ATR: variants seen among roughly 807,000 people sequenced by gnomAD.
ATR encodes the protein ATR checkpoint kinase, also known as serine/threonine-protein kinase ATR.
ATR carries 142 observed loss-of-function variants against 305.3 expected under a neutral mutation model. The ratio of observed to expected loss-of-function variants is 0.47; its 90% CI spans 0.41 to 0.53. The LOEUF is 0.53. Among genes scored for constraint, ATR ranks in the 20% least tolerant of loss-of-function variants. ATR has a pLI of 0.00. For synonymous variants in ATR, 1,050 were observed against 1,068.1 expected, an observed-to-expected ratio of 0.98 and a Z score of 0.33; for missense variants, 2,135 against 3,133.1, an observed-to-expected ratio of 0.68 and a Z score of 7.60.
chr3:142,513,888 CA>C (rs893508545), intron 25 of ATR, among the ~76,000 whole-genome samples: 121 of 149,556 alleles, frequency 8.1e-4, no homozygotes, highest in Admixed American at 1.3e-3. Context: ...AGCCAAAAAA[CA>C]AAAAAAAACC....
At position 142,553,666 on chromosome 3, in the gene ATR, C is replaced by G. The variant is rs2034560272; in HGVS notation, c.2607G>C (p.Leu869Phe). The G allele has an allele frequency of 6.2e-7, 1 of 1,610,918 alleles. No individual in the cohort carries two copies. Among genetic ancestry groups the G allele is most frequent in the African/African-American group, 1.3e-5 (1 of 74,842 alleles). ...TTCCAATATCCCCTGTTGTAAGAATCAAGGTATCCTTCAGCTCATTATTTC... is the reference window on the plus strand; with the variant it reads ...TTCCAATATCCCCTGTTGTAAGAATGAAGGTATCCTTCAGCTCATTATTTC... ...ISRNNELKDT[L>F]ILTTGDIGRA... Residue 869 changes from leucine (L) to phenylalanine (F), a missense_variant, in exon 12 of 47, where the codon TTG becomes TTC. Coordinates refer to ENST00000350721, the MANE Select transcript of ATR (RefSeq NM_001184.4).
intron 3 of ATR, 41 bp downstream of exon 3, chr3:142,566,080 T>C (rs745981419): frequency 1.9e-6 from 3 of 1,612,806 alleles, no homozygotes; most frequent in African/African-American, 2.7e-5. Flanking sequence ...GAGGATTTTA[T>C]AGAACAGATG....
chr3:142,553,164 C>CTT (rs926279240), intron 13 of ATR, 63 bp downstream of exon 13: 4 of 1,552,364 alleles, frequency 2.6e-6, no homozygotes, highest in Non-Finnish European at 3.5e-6. Context: ...AAATATTCTT[C>CTT]TTTTTTGTAA....
At chr3:142,493,920 T>C (rs1443009297) in intron 34 of ATR, among the ~76,000 whole-genome samples, 1 of 149,806 alleles carries the variant, frequency 6.7e-6, no homozygotes, top group Non-Finnish European at 1.5e-5. Context: ...TAGCCTTTGA[T>C]ACAAAGTTCA....
chr3:142,479,899 T>G lies in ATR; in HGVS notation c.6221+5241A>C, dbSNP rs376147618. ...CGAATCGGCTACTGAAGCTTGTGCA[T>G]TCGTCACGTAGTTCCTGTGCCGTGG... is the stretch of plus-strand genomic sequence containing the variant. On this transcript the variant is annotated intron_variant, in intron 36 of 46. Coordinates refer to ENST00000350721, the MANE Select transcript of ATR (RefSeq NM_001184.4). 3.4e-3 allele frequency among the ~76,000 whole-genome samples: 514 copies of G among 152,382 alleles called. 5 individuals are homozygous for G. Among genetic ancestry groups the G allele is most frequent in the African/African-American group, 0.012 (494 of 41,596 alleles).
chr3:142,540,472 A>T (rs558511224), intron 18 of ATR, among the ~76,000 whole-genome samples: 1 of 152,220 alleles, frequency 6.6e-6, no homozygotes. Context: ...GTTTTAGATT[A>T]GATATTTCTA....
Position 142,519,760 on chromosome 3 carries a change from T to C in ATR, c.4291A>G (p.Arg1431Gly). ...IQELLSIYDC[R>G]EMETNGPGHQ... ...CCTGGGCCGTTGGTCTCCATCTCTCTACAGTCATAAATAGAAAGCAACTCC... is the reference window on the plus strand; with the variant it reads ...CCTGGGCCGTTGGTCTCCATCTCTCCACAGTCATAAATAGAAAGCAACTCC... Residue 1431 changes from arginine (R) to glycine (G), a missense_variant, in exon 24 of 47, where the codon AGA becomes GGA. By Grantham distance (125) the Arg-to-Gly change is moderately radical. Transcript: ENST00000350721. 1 of 1,613,532 alleles carries C rather than the reference T, an allele frequency of 6.2e-7. No homozygotes were observed. Among genetic ancestry groups the C allele is most frequent in the South Asian group, 1.1e-5 (1 of 91,074 alleles).
chr3:142,466,348 G>A lies in ATR; in HGVS notation c.6873C>T (p.Ala2291=). ...CCATATCATCAAACCCTGCAATATA[G>A]GCCCAATGTCCAGGAAATGGTTCAT... ...ASHEPFPGHW[A]YIAGFDDMVE... The change falls in exon 40 of 47, where the codon GCC becomes GCT. Residue 2291 remains alanine (A), a synonymous_variant. Transcript: ENST00000350721. 1.9e-6 allele frequency: 3 copies of A among 1,613,736 alleles called. No homozygotes were observed. The highest frequency in any genetic ancestry group is 2.5e-6 in the Non-Finnish European group (3 of 1,179,796).
chr3:142,491,285 C>T lies in ATR; in HGVS notation c.6078+1847G>A, dbSNP rs1430991225. 2.6e-5 allele frequency among the ~76,000 whole-genome samples: 4 copies of T among 152,128 alleles called. No individual in the cohort carries two copies. In the East Asian group the frequency reaches 7.7e-4, roughly 29 times the overall value. On this transcript the variant is annotated intron_variant, in intron 35 of 46. Transcript: ENST00000350721. ...CATTCTACAGTAGTCAGCCTCTATT[C>T]TTTTCTCTACTCATTTCTGTCTACA...
intron 1 of ATR, 78 bp downstream of exon 1, chr3:142,578,568 A>C: frequency 6.8e-7 from 1 of 1,471,770 alleles, no homozygotes. Context: ...ATAGCGCAGC[A>C]GGGGAGGGGA....
chr3:142,493,890 G>A (rs1313860603), intron 34 of ATR, among the ~76,000 whole-genome samples: 1 of 150,374 alleles, frequency 6.7e-6, no homozygotes, highest in Non-Finnish European at 1.5e-5. Context: ...AAGAAAGCTA[G>A]GCATGATGGC....
rs1325232901 is a variant in ATR at position 142,449,266 on chromosome 3, CTG to C, written c.*161_*162del. 2 of 639,294 alleles carry C rather than the reference CTG, an allele frequency of 3.1e-6. No homozygotes were observed. Among genetic ancestry groups the C allele is most frequent in the African/African-American group, 1.8e-5 (1 of 54,694 alleles). 39.6% of individuals were successfully genotyped at this position (639,294 alleles called of 1,614,324 possible). On this transcript the variant is annotated 3_prime_UTR_variant, in exon 47 of 47. Transcript: ENST00000350721. ...AAGAAAGCAGTTTATTTCTTAATAACTGAATGTATATTATTTTACATATAATT... is the reference window on the plus strand; with the variant it reads ...AAGAAAGCAGTTTATTTCTTAATAACAATGTATATTATTTTACATATAATT...
At chr3:142,449,633 G>A (rs2070737751) in intron 46 of ATR, 31 bp from the exon 47 acceptor site, 1 of 1,604,996 alleles carries the variant, frequency 6.2e-7, no homozygotes, top group African/African-American at 1.3e-5. Context: ...ACCAAAAACA[G>A]ATGTTAATAA....
chr3:142,577,585 G>A lies in ATR; in HGVS notation c.59+1061C>T, dbSNP rs143806688. Among the ~76,000 whole-genome samples the A allele has an allele frequency of 7.2e-4, 110 of 152,298 alleles. 1 individual carries two copies. In the Middle Eastern group the frequency reaches 0.01, roughly 14 times the overall value. On this transcript the variant is annotated intron_variant, in intron 1 of 46. Coordinates refer to ENST00000350721, the MANE Select transcript of ATR (RefSeq NM_001184.4). The stretch of plus-strand genomic sequence containing the variant: ...ATTTATCCTTTTATTCATATATTGA[G>A]ACTAGATTATTTGGATGGCCAACCA...
At chr3:142,480,406 T>C (rs1340418547) in intron 36 of ATR, among the ~76,000 whole-genome samples, 1 of 152,202 alleles carries the variant, frequency 6.6e-6, no homozygotes, top group Non-Finnish European at 1.5e-5. Context: ...ACAGCAAATA[T>C]TGCTGAACAG....
At chr3:142,528,073 G>C (rs2033471809) in intron 21 of ATR, among the ~76,000 whole-genome samples, 1 of 152,160 alleles carries the variant, frequency 6.6e-6, no homozygotes, top group African/African-American at 2.4e-5. Context: ...TGTTTCTGTT[G>C]TTTAAAGTCA....
At chr3:142,506,497 AGGCAACAT>A (rs1288921549) in intron 28 of ATR, among the ~76,000 whole-genome samples, 1 of 152,014 alleles carries the variant, frequency 6.6e-6, no homozygotes, top group Non-Finnish European at 1.5e-5. Context: ...AGGCCAGCCC[AGGCAACAT>A]GGAAAACCCC....
intron 21 of ATR, among the ~76,000 whole-genome samples, chr3:142,526,539 A>G (rs1217296137): frequency 1.3e-5 from 2 of 151,978 alleles, no homozygotes; most frequent in African/African-American, 4.8e-5. Context: ...TAGTACATAT[A>G]TAAACATGCA....
At chr3:142,567,917 T>G in intron 2 of ATR, 146 bp downstream of exon 2, 1 of 665,114 alleles carries the variant, frequency 1.5e-6, no homozygotes. Flanking sequence ...TAAGCAATAC[T>G]GATTAACAAA....
Sources: allele counts gnomAD v4.1 joint callset (sites outside exome capture counted in the v4.1 genomes callset), GRCh38; gene constraint gnomAD v4.1.1; transcripts MANE v1.5; gene names NCBI Gene and HGNC (gene_info 2026-07-23, HGNC 2026-07-21).